CFAP58: variants seen among roughly 807,000 people sequenced by gnomAD.
The protein encoded by CFAP58 is cilia- and flagella-associated protein 58.
CFAP58 carries 88 observed loss-of-function variants against 119.5 expected under a neutral mutation model. That is an observed-to-expected ratio of 0.74 (90% confidence interval 0.62 to 0.88). The LOEUF is 0.88. Ranked by LOEUF, CFAP58 falls within the 40% of genes least tolerant of loss-of-function variation. The pLI is 0.00. For missense variants in CFAP58, 990 were observed against 1,021.2 expected (o/e 0.97, Z 0.42); for synonymous variants, 365 against 366.3 (o/e 1.00, Z 0.04).
At chr10:104,383,014 G>T (rs1265602346) in intron 9 of CFAP58, among the ~76,000 whole-genome samples, 3 of 152,126 alleles carry the variant, frequency 2.0e-5, no homozygotes, top group Non-Finnish European at 4.4e-5. Flanking sequence ...CATCCTGTGG[G>T]TATAGTAAAA....
At chr10:104,411,081 A>G (rs2012453034) in intron 15 of CFAP58, among the ~76,000 whole-genome samples, 1 of 152,116 alleles carries the variant, frequency 6.6e-6, no homozygotes, top group Non-Finnish European at 1.5e-5. Context: ...CTGGGATTAC[A>G]GGCATCCACC....
chr10:104,371,338 A>C (rs919341123), intron 7 of CFAP58, among the ~76,000 whole-genome samples: 1 of 152,212 alleles, frequency 6.6e-6, no homozygotes, highest in African/African-American at 2.4e-5. Context: ...AATAGCATCT[A>C]AACTCTTATG....
At chr10:104,377,047 T>C (rs1274235776) in intron 8 of CFAP58, among the ~76,000 whole-genome samples, 154 bp downstream of exon 8, 1 of 152,226 alleles carries the variant, frequency 6.6e-6, no homozygotes, top group Non-Finnish European at 1.5e-5. Flanking sequence ...AGCAGCTGCC[T>C]ACAGTCTATG....
intron 1 of CFAP58, among the ~76,000 whole-genome samples, chr10:104,357,453 A>G (rs911433140): frequency 1.2e-4 from 18 of 152,150 alleles, no homozygotes; most frequent in African/African-American, 4.3e-4. Flanking sequence ...TATCTATGCC[A>G]AGATCTTCCT....
chr10:104,442,371 C>T (rs964128793), intron 15 of CFAP58, among the ~76,000 whole-genome samples: 1 of 152,012 alleles, frequency 6.6e-6, no homozygotes, highest in Non-Finnish European at 1.5e-5. Flanking sequence ...GGGCAGATCA[C>T]GAGGTCAGGA....
chr10:104,433,400 C>T (rs2133081761), intron 15 of CFAP58, among the ~76,000 whole-genome samples: 1 of 152,298 alleles, frequency 6.6e-6, no homozygotes, highest in East Asian at 1.9e-4. Context: ...ATTAGAAAGA[C>T]CTCCCAAGAG....
intron 15 of CFAP58, among the ~76,000 whole-genome samples, chr10:104,441,039 G>A (rs573447999): frequency 2.6e-5 from 4 of 152,294 alleles, no homozygotes; most frequent in Admixed American, 6.5e-5. Flanking sequence ...GTCTCATTCT[G>A]TCACCCAGGC....
intron 3 of CFAP58, among the ~76,000 whole-genome samples, chr10:104,364,291 T>C (rs570256564): frequency 6.6e-6 from 1 of 152,182 alleles, no homozygotes; most frequent in Non-Finnish European, 1.5e-5. Context: ...GAGTTGACAA[T>C]AGCAATATAG....
At chr10:104,420,255 C>G (rs1384341440) in intron 15 of CFAP58, among the ~76,000 whole-genome samples, 4 of 152,034 alleles carry the variant, frequency 2.6e-5, no homozygotes, top group Non-Finnish European at 5.9e-5. Context: ...TATTCCCTCT[C>G]AGTAGTTCTC....
chr10:104,449,364 T>C (rs557012681), intron 16 of CFAP58, among the ~76,000 whole-genome samples: 91 of 152,292 alleles, frequency 6.0e-4, no homozygotes, highest in Middle Eastern at 3.4e-3. Context: ...GTTAGAACAA[T>C]ACCCTTCCTT....
intron 6 of CFAP58, 65 bp downstream of exon 6, chr10:104,368,625 T>C (rs750729604): frequency 6.4e-7 from 1 of 1,574,790 alleles, no homozygotes; most frequent in Non-Finnish European, 8.7e-7. Flanking sequence ...GCCTTGGCAA[T>C]TGGAGCCCTC....
intron 14 of CFAP58, among the ~76,000 whole-genome samples, chr10:104,405,007 C>T (rs987096666): frequency 1.3e-5 from 2 of 151,924 alleles, no homozygotes; most frequent in African/African-American, 4.8e-5. Context: ...TTTGTTTTTA[C>T]TTTTTATTTT....
chr10:104,358,286 T>C (rs1482943329), intron 1 of CFAP58, 55 bp from the exon 2 acceptor site: 1 of 1,534,612 alleles, frequency 6.5e-7, no homozygotes, highest in Non-Finnish European at 8.8e-7. Flanking sequence ...AATTCCTTGA[T>C]GGTAATGATG....
In CFAP58 at chr10:104,403,788, T is replaced by C. The variant is rs2133047368; in HGVS notation, c.2099T>C (p.Leu700Pro). The change falls in exon 14 of 18, where the codon CTG becomes CCG. Residue 700 changes from leucine (L) to proline (P), a missense_variant. Transcript: ENST00000369704. ...AAGGAGAGGACACGCTGCCGAGCCCTGGAGGAGGAGCTGGAGAATCCCCTG... is the reference window on the plus strand; with the variant it reads ...AAGGAGAGGACACGCTGCCGAGCCCCGGAGGAGGAGCTGGAGAATCCCCTG... ...LLKERTRCRA[L>P]EEELENPLNV... is the part of the protein sequence containing the mutation. 6.2e-7 allele frequency: 1 copy of C among 1,612,714 alleles called. No individual in the cohort carries two copies. The highest frequency in any genetic ancestry group is 1.3e-5 in the African/African-American group (1 of 75,026).
intron 6 of CFAP58, among the ~76,000 whole-genome samples, chr10:104,368,963 G>C (rs2014788418): frequency 6.6e-6 from 1 of 152,142 alleles, no homozygotes; most frequent in Non-Finnish European, 1.5e-5. Flanking sequence ...ACTACCTAGG[G>C]TCTACTTACA....
At chr10:104,401,763 T>A (rs1462481315) in intron 13 of CFAP58, among the ~76,000 whole-genome samples, 1 of 152,206 alleles carries the variant, frequency 6.6e-6, no homozygotes, top group African/African-American at 2.4e-5. Flanking sequence ...TTTTTCTTTT[T>A]TTTTTTCTTT....
intron 2 of CFAP58, 120 bp from the exon 3 acceptor site, chr10:104,361,903 A>AT: frequency 1.1e-6 from 1 of 937,568 alleles, no homozygotes; most frequent in South Asian, 1.7e-5. Flanking sequence ...ATGTTAAACA[A>AT]TTTAGTCAAT....
chr10:104,433,760 T>C (rs2133082135), intron 15 of CFAP58, among the ~76,000 whole-genome samples: 1 of 152,392 alleles, frequency 6.6e-6, no homozygotes, highest in Non-Finnish European at 1.5e-5. Flanking sequence ...TGTTTTCAAA[T>C]TTTAATTTAG....
At chr10:104,378,686 A>G (rs17116973) in intron 8 of CFAP58, among the ~76,000 whole-genome samples, 2,739 of 152,300 alleles carry the variant, frequency 0.018, 56 homozygotes, top group East Asian at 0.054. Context: ...GCTGTCACCA[A>G]TAGCTCCCAA....
Sources: gnomAD v4.1 joint callset for allele counts (sites outside exome capture counted in the v4.1 genomes callset) on GRCh38, gnomAD v4.1.1 for gene constraint, MANE v1.5 for transcripts, NCBI Gene and HGNC (gene_info 2026-07-23, HGNC 2026-07-21) for gene names.